The following TMEM65 variants were observed in gnomAD, a reference collection of about 807,000 sequenced individuals.
TMEM65 encodes the protein transmembrane protein 65.
In TMEM65, 22 loss-of-function variants were observed where a neutral mutation model predicts 25.4. The observed-to-expected ratio is 0.86, with a 90% CI of 0.62 to 1.23. TMEM65 has a LOEUF of 1.23. Ranked by LOEUF, TMEM65 falls within the 50% of genes most tolerant of loss-of-function variation. TMEM65 has a pLI of 0.00. For missense variants in TMEM65, 262 were observed against 308.2 expected, an observed-to-expected ratio of 0.85 and a Z score of 1.12; for synonymous variants, 132 against 126.2, an observed-to-expected ratio of 1.05 and a Z score of -0.31.
In TMEM65 at chr8:124,313,945, G is replaced by C; in HGVS notation, c.*15C>G. On this transcript the variant is annotated 3_prime_UTR_variant, in exon 7 of 7. Coordinates refer to ENST00000297632, the MANE Select transcript of TMEM65 (RefSeq NM_194291.3). ...GTACATTAGTTTACATCTTTTTATA[G>C]GTATTCTAAGAGGATTAACTTTTCG... is the stretch of plus-strand genomic sequence containing the variant. 3.2e-6 allele frequency: 5 copies of C among 1,551,822 alleles called. No individual in the cohort carries two copies. The highest frequency in any genetic ancestry group is 4.4e-6 in the Non-Finnish European group (5 of 1,126,210).
At chr8:124,364,092 T>G (rs955364849) in intron 1 of TMEM65, among the ~76,000 whole-genome samples, 5 of 152,070 alleles carry the variant, frequency 3.3e-5, no homozygotes, top group African/African-American at 1.2e-4. Context: ...ATGTGATAGA[T>G]GCAACTAGTT....
At chr8:124,364,240 G>C (rs970659224) in intron 1 of TMEM65, among the ~76,000 whole-genome samples, 1 of 152,184 alleles carries the variant, frequency 6.6e-6, no homozygotes, top group Non-Finnish European at 1.5e-5. Context: ...ATTGGCAGAA[G>C]TAAAATCAGA....
intron 2 of TMEM65, 54 bp from the exon 3 acceptor site, chr8:124,327,475 T>G (rs766114605): frequency 3.3e-4 from 392 of 1,180,192 alleles, no homozygotes; most frequent in Non-Finnish European, 4.4e-4. Context: ...TAACTTAGAA[T>G]GACAAAAACA....
At chr8:124,369,362 G>T (rs753259444) in intron 1 of TMEM65, among the ~76,000 whole-genome samples, 1 of 152,044 alleles carries the variant, frequency 6.6e-6, no homozygotes, top group Non-Finnish European at 1.5e-5. Flanking sequence ...GAAAGATAAG[G>T]GCAAATGTGC....
At chr8:124,328,520 C>CA (rs1245150906) in intron 2 of TMEM65, among the ~76,000 whole-genome samples, 1 of 151,750 alleles carries the variant, frequency 6.6e-6, no homozygotes, top group South Asian at 2.1e-4. Flanking sequence ...GGTAGATGCT[C>CA]AAAAAATATT....
chr8:124,342,367 A>T (rs962714939), intron 1 of TMEM65, among the ~76,000 whole-genome samples: 1 of 152,156 alleles, frequency 6.6e-6, no homozygotes, highest in African/African-American at 2.4e-5. Context: ...GAAGAAACTC[A>T]TTGGTTCATA....
intron 1 of TMEM65, among the ~76,000 whole-genome samples, chr8:124,337,667 C>T (rs1814528902): frequency 6.6e-6 from 1 of 152,000 alleles, no homozygotes. Flanking sequence ...CTATAAACTG[C>T]TGATTTATGC....
At chr8:124,328,891 C>T (rs1185828273) in intron 2 of TMEM65, among the ~76,000 whole-genome samples, 1 of 151,886 alleles carries the variant, frequency 6.6e-6, no homozygotes, top group African/African-American at 2.4e-5. Context: ...GAGCTCTGCA[C>T]CTAGCAGGAA....
chr8:124,326,023 G>A (rs1814361909), intron 3 of TMEM65, among the ~76,000 whole-genome samples: 1 of 151,908 alleles, frequency 6.6e-6, no homozygotes, highest in Admixed American at 6.6e-5. Context: ...ACAATCCTAA[G>A]GTCATTCCAC....
At chr8:124,324,007 AG>A (rs1366692066) in intron 3 of TMEM65, among the ~76,000 whole-genome samples, 2 of 152,112 alleles carry the variant, frequency 1.3e-5, no homozygotes, top group African/African-American at 4.8e-5. Flanking sequence ...TGAAGAAAAG[AG>A]GGGCTCATAT....
intron 6 of TMEM65, 147 bp from the exon 7 acceptor site, chr8:124,314,208 C>T: frequency 3.0e-6 from 2 of 660,194 alleles, no homozygotes; most frequent in Admixed American, 2.9e-5. Context: ...CTGTGTATAC[C>T]TAATTATATG....
intron 6 of TMEM65, among the ~76,000 whole-genome samples, chr8:124,319,526 C>A (rs1260307816): frequency 6.6e-6 from 1 of 151,914 alleles, no homozygotes; most frequent in South Asian, 2.1e-4. Flanking sequence ...CCTAAATATA[C>A]CCTTTTTTTA....
At chr8:124,331,929 T>C (rs1207145959) in intron 1 of TMEM65, among the ~76,000 whole-genome samples, 1 of 152,132 alleles carries the variant, frequency 6.6e-6, no homozygotes, top group Non-Finnish European at 1.5e-5. Context: ...CATTAGTGAC[T>C]GGTATTTTCC....
intron 1 of TMEM65, among the ~76,000 whole-genome samples, chr8:124,364,414 C>CA (rs551908136): frequency 5.9e-5 from 9 of 152,272 alleles, no homozygotes; most frequent in Non-Finnish European, 1.3e-4. Flanking sequence ...ACCACTATGA[C>CA]AGAGTCTAAA....
At chr8:124,337,802 A>G (rs1404328613) in intron 1 of TMEM65, among the ~76,000 whole-genome samples, 7 of 152,036 alleles carry the variant, frequency 4.6e-5, no homozygotes, top group Non-Finnish European at 4.4e-5. Flanking sequence ...ACTGATTGTT[A>G]TAATAGGGGT....
chr8:124,356,019 A>G (rs1814775682), intron 1 of TMEM65, among the ~76,000 whole-genome samples: 1 of 152,216 alleles, frequency 6.6e-6, no homozygotes, highest in African/African-American at 2.4e-5. Flanking sequence ...CCATTGTAGT[A>G]GAAACCTGAA....
At chr8:124,335,151 A>C (rs935094184) in intron 1 of TMEM65, among the ~76,000 whole-genome samples, 1 of 152,188 alleles carries the variant, frequency 6.6e-6, no homozygotes, top group Non-Finnish European at 1.5e-5. Context: ...ATTATCATAA[A>C]GGAAAAAATC....
Position 124,371,951 on chromosome 8 carries a change from C to A in TMEM65, c.207G>T (p.Ala69=). 6.6e-7 allele frequency: 1 copy of A among 1,512,250 alleles called. No homozygotes were observed. The highest frequency in any genetic ancestry group is 1.2e-5 in the South Asian group (1 of 81,076). The allele number at this position is 1,512,250 out of a possible 1,614,324, so 93.7% of individuals were successfully genotyped here. A position where few individuals can be genotyped will look rare whatever the true frequency, so the allele number is the denominator to read the frequency against. The change falls in exon 1 of 7, where the codon GCG becomes GCT. Residue 69 remains alanine, a synonymous_variant. Coordinates refer to ENST00000297632, the MANE Select transcript of TMEM65 (RefSeq NM_194291.3). ...TGTAGATGAAGTCGCGCGCGCCCTG[C>A]GCCGTGTTCAGCGCCTCCATGGGCT... ...KKEPMEALNT[A]QGARDFIYSL...
chr8:124,335,978 A>C lies in TMEM65; in HGVS notation c.305-5186T>G, dbSNP rs2131208417. ...AAAAAAAGTAAGACCCAACTATATG[A>C]TATCCCAAGGATTACAGTTTAATAG... On this transcript the variant is annotated intron_variant, in intron 1 of 6. Transcript: ENST00000297632. Among the ~76,000 whole-genome samples, 3 of 152,206 alleles carry C rather than the reference A, an allele frequency of 2.0e-5. 1 individual carries two copies. The East Asian group carries it at 5.8e-4, about 29-fold the overall frequency.
Sources: gnomAD v4.1 joint callset for allele counts (sites outside exome capture counted in the v4.1 genomes callset) on GRCh38, gnomAD v4.1.1 for gene constraint, MANE v1.5 for transcripts, NCBI Gene and HGNC (gene_info 2026-07-23, HGNC 2026-07-21) for gene names.